Variants in HS3ST5 observed in about 807,000 individuals in gnomAD.
HS3ST5 encodes heparan sulfate-glucosamine 3-sulfotransferase 5.
A neutral mutation model predicts 25.4 loss-of-function variants in HS3ST5; 10 were observed. The observed-to-expected ratio is 0.39, with a 90% CI of 0.24 to 0.67. The LOEUF (loss-of-function observed/expected upper bound fraction) is 0.67, where lower values mean the gene tolerates loss of function less well. Ranked by LOEUF, HS3ST5 falls within the 30% of genes least tolerant of loss-of-function variation. HS3ST5 has a pLI of 0.44. For synonymous variants in HS3ST5, 170 were observed against 162.4 expected, an observed-to-expected ratio of 1.05 and a Z score of -0.36; for missense variants, 324 against 420.7, an observed-to-expected ratio of 0.77 and a Z score of 2.01.
intron 1 of HS3ST5, among the ~76,000 whole-genome samples, chr6:114,294,472 G>A (rs1457426920): frequency 7.1e-6 from 1 of 141,720 alleles, no homozygotes; most frequent in Non-Finnish European, 1.5e-5. Flanking sequence ...TTGAGACGGA[G>A]TCTCACTCTG....
At chr6:114,141,760 G>C (rs2114935029) in intron 3 of HS3ST5, among the ~76,000 whole-genome samples, 1 of 152,252 alleles carries the variant, frequency 6.6e-6, no homozygotes, top group Middle Eastern at 3.4e-3. Context: ...TGCCCTTCCT[G>C]CCCATTGGCT....
chr6:114,229,045 T>A (rs1771445838), intron 1 of HS3ST5, among the ~76,000 whole-genome samples: 1 of 152,210 alleles, frequency 6.6e-6, no homozygotes, highest in Non-Finnish European at 1.5e-5. Context: ...ACTAATTTTA[T>A]TTTTGATATG....
intron 1 of HS3ST5, among the ~76,000 whole-genome samples, chr6:114,253,651 ACT>A (rs1255116220): frequency 1.3e-5 from 2 of 152,164 alleles, no homozygotes; most frequent in African/African-American, 4.8e-5. Flanking sequence ...CAGACATGAC[ACT>A]CAGCACAATT....
intron 1 of HS3ST5, among the ~76,000 whole-genome samples, chr6:114,338,129 T>A (rs1776680069): frequency 1.3e-5 from 2 of 152,066 alleles, no homozygotes; most frequent in East Asian, 3.8e-4. Flanking sequence ...ATTTTCAATA[T>A]CAAACTAGTA....
At chr6:114,148,038 T>G (rs1353286266) in intron 3 of HS3ST5, among the ~76,000 whole-genome samples, 1 of 152,180 alleles carries the variant, frequency 6.6e-6, no homozygotes, top group East Asian at 1.9e-4. Context: ...GAAATTTCAT[T>G]TCTAGGTACC....
intron 1 of HS3ST5, among the ~76,000 whole-genome samples, chr6:114,250,346 T>C (rs1017936879): frequency 1.3e-5 from 2 of 150,492 alleles, no homozygotes; most frequent in Non-Finnish European, 3.0e-5. Flanking sequence ...CTTTGGGAGG[T>C]CGAGACGGGC....
intron 1 of HS3ST5, among the ~76,000 whole-genome samples, chr6:114,275,036 C>T (rs1441445090): frequency 6.6e-6 from 1 of 151,890 alleles, no homozygotes; most frequent in Non-Finnish European, 1.5e-5. Flanking sequence ...CCTGACTATA[C>T]ACGGTGACAG....
At chr6:114,058,820 CTCTCTT>C (rs71553392) in intron 4 of HS3ST5, 25,310 of 152,174 alleles carry the variant, frequency 0.17, 2,380 homozygotes, top group African/African-American at 0.27. Context: ...TTTCTTCTGC[CTCTCTT>C]TCTCTTTCTA....
At chr6:114,215,626 T>A (rs927335143) in intron 2 of HS3ST5, among the ~76,000 whole-genome samples, 3 of 152,038 alleles carry the variant, frequency 2.0e-5, no homozygotes, top group Non-Finnish European at 4.4e-5. Flanking sequence ...CCACTGGTTG[T>A]CCTCCTGGCC....
At position 114,216,970 on chromosome 6, in the gene HS3ST5, C is replaced by A. The variant is rs573732268; in HGVS notation, c.-145+11615G>T. Among the ~76,000 whole-genome samples, 1,067 of 152,252 alleles carry A rather than the reference C, an allele frequency of 7.0e-3. 16 individuals are homozygous for A. Among genetic ancestry groups the A allele is most frequent in the African/African-American group, 0.024 (1,011 of 41,536 alleles). ...AGCTGCTTTTTCATAAAGCTCTTCT[C>A]ATGATTATGAGCTGACGGACAGCTG... is the stretch of plus-strand genomic sequence containing the variant. On this transcript the variant is annotated intron_variant, in intron 2 of 4. Coordinates refer to ENST00000312719, the MANE Select transcript of HS3ST5 (RefSeq NM_153612.4).
At chr6:114,208,995 G>A (rs1404168465) in intron 2 of HS3ST5, among the ~76,000 whole-genome samples, 2 of 152,048 alleles carry the variant, frequency 1.3e-5, no homozygotes, top group African/African-American at 4.8e-5. Flanking sequence ...CAAACAAGAA[G>A]GATAGGAATT....
At chr6:114,186,822 T>G in intron 2 of HS3ST5, among the ~76,000 whole-genome samples, 1 of 152,248 alleles carries the variant, frequency 6.6e-6, no homozygotes, top group Non-Finnish European at 1.5e-5. Flanking sequence ...TATTAGGGGC[T>G]AATGACTTTA....
At chr6:114,338,088 T>C (rs1776677426) in intron 1 of HS3ST5, among the ~76,000 whole-genome samples, 2 of 152,132 alleles carry the variant, frequency 1.3e-5, no homozygotes, top group East Asian at 3.9e-4. Flanking sequence ...GTTTCTTAAA[T>C]AAATTATTTA....
intron 2 of HS3ST5, among the ~76,000 whole-genome samples, chr6:114,186,512 C>T (rs1270116924): frequency 2.6e-5 from 4 of 152,020 alleles, no homozygotes; most frequent in African/African-American, 7.2e-5. Flanking sequence ...GGCTGAGAGA[C>T]GTGAAGAAGC....
At chr6:114,187,332 G>A (rs965065495) in intron 2 of HS3ST5, among the ~76,000 whole-genome samples, 14 of 152,220 alleles carry the variant, frequency 9.2e-5, no homozygotes, top group Non-Finnish European at 1.3e-4. Context: ...GAACATTCAT[G>A]ATACATGGGA....
chr6:114,187,010 G>A (rs923762305), intron 2 of HS3ST5, among the ~76,000 whole-genome samples: 1 of 152,184 alleles, frequency 6.6e-6, no homozygotes, highest in African/African-American at 2.4e-5. Flanking sequence ...AGTGTTTTAA[G>A]ACCACTGTTG....
At chr6:114,117,909 A>G (rs541641869) in intron 3 of HS3ST5, among the ~76,000 whole-genome samples, 1 of 138,248 alleles carries the variant, frequency 7.2e-6, no homozygotes, top group East Asian at 2.3e-4. Context: ...GAGTGCAACA[A>G]ATGTCTCTAT....
At chr6:114,286,412 C>A (rs184800051) in intron 1 of HS3ST5, among the ~76,000 whole-genome samples, 3 of 151,996 alleles carry the variant, frequency 2.0e-5, no homozygotes, top group African/African-American at 7.2e-5. Flanking sequence ...GCTTAGTCAA[C>A]AATAATGCAT....
At chr6:114,103,857 A>ATTTTTTTTTTTTTTTTT (rs71553394) in intron 3 of HS3ST5, among the ~76,000 whole-genome samples, 265 of 107,086 alleles carry the variant, frequency 2.5e-3, no homozygotes, top group Middle Eastern at 5.2e-3. Context: ...CACCTGGCTA[A>ATTTTTTTTTTTTTTTTT]TTTTTTTTTT....
Sources: gnomAD v4.1 joint callset for allele counts (sites outside exome capture counted in the v4.1 genomes callset) on GRCh38, gnomAD v4.1.1 for gene constraint, MANE v1.5 for transcripts, NCBI Gene and HGNC (gene_info 2026-07-23, HGNC 2026-07-21) for gene names.